ELN: variants seen among roughly 807,000 people sequenced by gnomAD.
ELN encodes the protein elastin, also known as tropoelastin.
A neutral mutation model predicts 105.8 loss-of-function variants in ELN; 65 were observed. That is an observed-to-expected ratio of 0.61 (90% CI 0.50 to 0.75). The LOEUF (loss-of-function observed/expected upper bound fraction) is 0.75. Ranked by LOEUF, ELN falls within the 30% of genes least tolerant of loss-of-function variation. ELN has a pLI of 0.00. For missense variants in ELN, 882 were observed against 969.4 expected, an observed-to-expected ratio of 0.91 and a Z score of 1.20; for synonymous variants, 368 against 389.2, an observed-to-expected ratio of 0.95 and a Z score of 0.64.
intron 17 of ELN, chr7:74,052,912 GAAGGA>G (rs1794413495): frequency 1.8e-6 from 1 of 558,430 alleles, no homozygotes; most frequent in Non-Finnish European, 3.2e-6. Context: ...AAAGAGAAAG[GAAGGA>G]AAGAAAAGAA....
intron 29 of ELN, among the ~76,000 whole-genome samples, chr7:74,064,714 C>G (rs1043701718): frequency 3.9e-5 from 6 of 152,212 alleles, no homozygotes; most frequent in Admixed American, 1.3e-4. Context: ...TTTCAACCCA[C>G]CTGACCACTG....
intron 29 of ELN, among the ~76,000 whole-genome samples, chr7:74,064,157 G>A (rs1397637005): frequency 1.1e-4 from 17 of 151,416 alleles, no homozygotes; most frequent in Non-Finnish European, 2.2e-4. Context: ...GGTGGCTCAC[G>A]CCTGTGATCC....
chr7:74,069,056 C>T lies in ELN; in HGVS notation c.*356C>T, dbSNP rs1218854967. The T allele has an allele frequency of 7.2e-6, 3 of 417,986 alleles. No individual in the cohort carries two copies. The highest frequency in any genetic ancestry group is 9.0e-6 in the Non-Finnish European group (2 of 223,226). The allele number at this position is 417,986 out of a possible 1,614,324, so 25.9% of individuals were successfully genotyped here. Reference sequence around the variant, plus strand: ...GGGAGGGAGGAGGGAAGGGTGGCCCCTCGGGGAACCCCCTACCTGGGGCTC... The same window carrying T: ...GGGAGGGAGGAGGGAAGGGTGGCCCTTCGGGGAACCCCCTACCTGGGGCTC... On this transcript the variant is annotated 3_prime_UTR_variant, in exon 33 of 33. Coordinates refer to ENST00000252034, the MANE Select transcript of ELN (RefSeq NM_000501.4).
chr7:74,051,532 A>G (rs1794027556), intron 15 of ELN, among the ~76,000 whole-genome samples: 1 of 152,176 alleles, frequency 6.6e-6, no homozygotes, highest in Non-Finnish European at 1.5e-5. Context: ...GAAAACATAC[A>G]AGTCCCTTAA....
chr7:74,056,049 A>G (rs1425723886), intron 19 of ELN, among the ~76,000 whole-genome samples: 1 of 152,088 alleles, frequency 6.6e-6, no homozygotes, highest in Non-Finnish European at 1.5e-5. Flanking sequence ...AGCCTCCCAA[A>G]GTGCTAGGAT....
chr7:74,046,132 G>C, intron 10 of ELN, 56 bp from the exon 11 acceptor site: 2 of 1,612,858 alleles, frequency 1.2e-6, no homozygotes, highest in Non-Finnish European at 1.7e-6. Context: ...CCTTGGTGCT[G>C]TCTGGCCCAG....
At chr7:74,049,850 A>G (rs1192896288) in intron 15 of ELN, among the ~76,000 whole-genome samples, 1 of 149,052 alleles carries the variant, frequency 6.7e-6, no homozygotes, top group East Asian at 2.0e-4. Flanking sequence ...CCATTCATCC[A>G]TCCACTCATC....
chr7:74,053,320 C>CTGTGTGTGTGTGTGTGTG lies in ELN; in HGVS notation c.1096+33_1096+50dup. The stretch of plus-strand genomic sequence containing the variant: ...GTGCTGCGGTTCCAGGTGAGCTGGG[C>CTGTGTGTGTGTGTGTGTG]TGTGTGTGTGTGTGTGTGTGTGTGT... On this transcript the variant is annotated intron_variant, in intron 18 of 32. Coordinates refer to ENST00000252034, the MANE Select transcript of ELN (RefSeq NM_000501.4). The CTGTGTGTGTGTGTGTGTG allele has an allele frequency of 6.4e-7, 1 of 1,561,624 alleles. No individual in the cohort carries two copies. The highest frequency in any genetic ancestry group is 8.7e-7 in the Non-Finnish European group (1 of 1,154,708).
At chr7:74,044,041 T>A in intron 9 of ELN, 121 bp downstream of exon 9, 1 of 1,335,662 alleles carries the variant, frequency 7.5e-7, no homozygotes, top group Non-Finnish European at 1.0e-6. Flanking sequence ...AGGCCAGGAG[T>A]TTGAGACCAG....
rs1196143370 is a variant in ELN at position 74,060,042 on chromosome 7, T to A, written c.1571T>A (p.Val524Asp). 6.2e-7 allele frequency: 1 copy of A among 1,612,820 alleles called. No individual in the cohort carries two copies. The highest frequency in any genetic ancestry group is 1.3e-5 in the African/African-American group (1 of 74,376). ...GVAPGIGPGG[V>D]AAAAKSAAKV... ...GCTCCCGGCATTGGCCCTGGTGGAGTTGCAGGTGAGTTTCATGAGTCAATG... is the reference window on the plus strand; with the variant it reads ...GCTCCCGGCATTGGCCCTGGTGGAGATGCAGGTGAGTTTCATGAGTCAATG... Residue 524 changes from valine (V) to aspartate (D), a missense_variant, in exon 23 of 33, where the codon GTT (valine) becomes GAT (aspartate). Val to Asp is a radical substitution (Grantham distance 152). Transcript: ENST00000252034.
chr7:74,060,079 C>A, intron 23 of ELN, 32 bp downstream of exon 23: 1 of 1,614,068 alleles, frequency 6.2e-7, no homozygotes, highest in Non-Finnish European at 8.5e-7. Context: ...GCCTGAGGGG[C>A]CCCCGAAGCC....
rs782390271 is a variant in ELN, at chr7:74,048,140, A to G, written c.686-2A>G. ...TGACCATCAAGCCTCTCTGTTTTGCAGGCTATGGGCCCGGAGGAGTGGCTG... is the reference window on the plus strand; with the variant it reads ...TGACCATCAAGCCTCTCTGTTTTGCGGGCTATGGGCCCGGAGGAGTGGCTG... On this transcript the variant is annotated splice_acceptor_variant, in intron 13 of 32. Transcript: ENST00000252034. LOFTEE classifies it high-confidence loss of function. 9 of 1,613,942 alleles carry G rather than the reference A, an allele frequency of 5.6e-6. No homozygotes were observed. The East Asian group carries it at 2.0e-4, about 36-fold the overall frequency.
chr7:74,041,169 G>A lies in ELN; in HGVS notation c.197-47G>A, dbSNP rs200388901. ...ACTCCAGGAGACATTTCCCACTCTG[G>A]GCCTAGGAACACTGCCTACACTCCT... is the stretch of plus-strand genomic sequence containing the variant. On this transcript the variant is annotated intron_variant, in intron 4 of 32. Coordinates refer to ENST00000252034, the MANE Select transcript of ELN (RefSeq NM_000501.4). 66 of 1,613,378 alleles carry A rather than the reference G, an allele frequency of 4.1e-5. No individual in the cohort carries two copies. In the African/African-American group the frequency reaches 7.1e-4, roughly 17 times the overall value.
chr7:74,059,476 G>GT (rs1796099421), intron 22 of ELN: 1 of 300,468 alleles, frequency 3.3e-6, no homozygotes, highest in East Asian at 8.2e-5. Context: ...AAGGTCAGGA[G>GT]TTTAAGACCA....
In ELN at chr7:74,051,794, G is replaced by A. The variant is rs1554676199; in HGVS notation, c.844G>A (p.Val282Ile). 2 of 1,614,236 alleles carry A rather than the reference G, an allele frequency of 1.2e-6. No individual in the cohort carries two copies. Among genetic ancestry groups the A allele is most frequent in the South Asian group, 1.1e-5 (1 of 91,086 alleles). Reference protein sequence around the residue: ...GVLPGVGGAGVPGVPGAIPGI... With the variant: ...GVLPGVGGAGIPGVPGAIPGI... ...CCTCCCTGGTGTTGGAGGGGCTGGT[G>A]TTCCTGGCGTGCCTGGGGCAATTCC... Residue 282 changes from valine (V) to isoleucine (I), a missense_variant, in exon 16 of 33, where the codon GTT becomes ATT. Transcript: ENST00000252034.
Position 74,053,302 on chromosome 7 carries a change from G to T in ELN, c.1089G>T (p.Ala363=). The T allele has an allele frequency of 6.2e-7, 1 of 1,611,904 alleles. No homozygotes were observed. The highest frequency in any genetic ancestry group is 8.5e-7 in the Non-Finnish European group (1 of 1,179,528). The change falls in exon 18 of 33, where the codon GCG becomes GCT. Residue 363 remains alanine, a synonymous_variant. Coordinates refer to ENST00000252034, the MANE Select transcript of ELN (RefSeq NM_000501.4). ...VVPGAGIPGA[A]VPGVVSPEAA... is the part of the protein sequence containing the mutation. ...CAGGTGCTGGGATCCCAGGTGCTGC[G>T]GTTCCAGGTGAGCTGGGCTGTGTGT... is the stretch of plus-strand genomic sequence containing the variant.
chr7:74,037,129 G>A (rs573565411), intron 3 of ELN, among the ~76,000 whole-genome samples: 3 of 145,378 alleles, frequency 2.1e-5, no homozygotes, highest in East Asian at 2.2e-4. Flanking sequence ...CCCCTTGCCC[G>A]GCCCCTTCCT....
intron 32 of ELN, 59 bp downstream of exon 32, chr7:74,066,835 C>A: frequency 6.4e-7 from 1 of 1,568,842 alleles, no homozygotes; most frequent in Non-Finnish European, 8.8e-7. Context: ...CTCCTCCCTC[C>A]TCTCCTGTGC....
chr7:74,052,887 G>GAA (rs1794401548), intron 17 of ELN: 38 of 502,476 alleles, frequency 7.6e-5, no homozygotes, highest in South Asian at 1.6e-4. Flanking sequence ...GAGAGAGAGA[G>GAA]AGAAAGAAAG....
Sources: allele counts gnomAD v4.1 joint callset (sites outside exome capture counted in the v4.1 genomes callset), GRCh38; gene constraint gnomAD v4.1.1; transcripts MANE v1.5; gene names NCBI Gene and HGNC (gene_info 2026-07-23, HGNC 2026-07-21).